Variants in WDR64 observed in about 807,000 individuals in gnomAD.
WDR64 encodes the protein WD repeat domain 64, also known as WD repeat-containing protein 64.
A neutral mutation model predicts 139.3 loss-of-function variants in WDR64; 112 were observed. The ratio of observed to expected loss-of-function variants is 0.80; its 90% CI spans 0.69 to 0.94. WDR64 has a LOEUF of 0.94. WDR64 is among the 40% of genes least tolerant of loss of function. The probability of loss-of-function intolerance (pLI) is 0.00; values close to 1 mark genes in which losing one functional copy is unlikely to be tolerated. For missense variants in WDR64, 1,206 were observed against 1,293.1 expected (o/e 0.93, Z 1.03); for synonymous variants, 444 against 437.7 (o/e 1.01, Z -0.18).
At chr1:241,695,675 A>G (rs1275251520) in intron 8 of WDR64, among the ~76,000 whole-genome samples, 1 of 152,220 alleles carries the variant, frequency 6.6e-6, no homozygotes, top group Non-Finnish European at 1.5e-5. Context: ...TTCATCAACG[A>G]GAAATGTTAT....
rs1339728639 is a variant in WDR64, at chr1:241,775,098, T to G, written c.2431-7T>G. 1.3e-6 allele frequency: 2 copies of G among 1,547,696 alleles called. No individual in the cohort carries two copies. The highest frequency in any genetic ancestry group is 1.7e-6 in the Non-Finnish European group (2 of 1,145,154). On this transcript the variant is annotated splice_polypyrimidine_tract_variant and splice_region_variant and intron_variant, in intron 20 of 27. Coordinates refer to ENST00000437684, the MANE Select transcript of WDR64 (RefSeq NM_001367482.1). The stretch of plus-strand genomic sequence containing the variant: ...AAAAAGTTTTATTTGCATTATACTT[T>G]ATTTAGGGAAGACTACTGAAAGATA...
chr1:241,711,797 T>C lies in WDR64; in HGVS notation c.975-5T>C, dbSNP rs1668178608. 1 of 1,614,016 alleles carries C rather than the reference T, an allele frequency of 6.2e-7. No homozygotes were observed. The highest frequency in any genetic ancestry group is 1.3e-5 in the African/African-American group (1 of 74,932). On this transcript the variant is annotated splice_polypyrimidine_tract_variant and splice_region_variant and intron_variant, in intron 8 of 27. Coordinates refer to ENST00000437684, the MANE Select transcript of WDR64 (RefSeq NM_001367482.1). The stretch of plus-strand genomic sequence containing the variant: ...TATGTTTTCCATCTAATTTGTGTTT[T>C]CCAGGCCTGTCAGAGAGTTTTCCAT...
chr1:241,729,909 C>T (rs1157048278), intron 10 of WDR64, among the ~76,000 whole-genome samples: 1 of 152,178 alleles, frequency 6.6e-6, no homozygotes, highest in Non-Finnish European at 1.5e-5. Flanking sequence ...GTTTCACTGC[C>T]TTCATATTTT....
chr1:241,710,388 C>T (rs1208501676), intron 8 of WDR64, among the ~76,000 whole-genome samples: 2 of 152,188 alleles, frequency 1.3e-5, no homozygotes, highest in Non-Finnish European at 2.9e-5. Context: ...CACACGTTGT[C>T]ACTCAAGCTT....
intron 27 of WDR64, among the ~76,000 whole-genome samples, chr1:241,798,122 A>G (rs1205250849): frequency 6.6e-6 from 1 of 152,214 alleles, no homozygotes; most frequent in Non-Finnish European, 1.5e-5. Context: ...ATAAAGAATG[A>G]TAAATTATTT....
intron 1 of WDR64, among the ~76,000 whole-genome samples, chr1:241,658,033 C>T (rs1388094302): frequency 6.6e-6 from 1 of 152,162 alleles, no homozygotes; most frequent in African/African-American, 2.4e-5. Context: ...TCACTTGATA[C>T]TTTTCTGATT....
rs757704748 is a variant in WDR64 at position 241,703,725 on chromosome 1, G to A, written c.975-8077G>A. ...TCACACTGCTATAAAGATACTATCT[G>A]AGACTCAATAATTTGTAAAGGAAAG... On this transcript the variant is annotated intron_variant, in intron 8 of 27. Transcript: ENST00000437684. This position sits in a 1 kb window ranked among gnomAD's most constrained non-coding sequence, Gnocchi z 5.9. 2.0e-5 allele frequency among the ~76,000 whole-genome samples: 3 copies of A among 152,130 alleles called. No individual in the cohort carries two copies. Among genetic ancestry groups the A allele is most frequent in the Non-Finnish European group, 4.4e-5 (3 of 68,024 alleles).
chr1:241,690,478 A>C (rs1015795418), intron 8 of WDR64, among the ~76,000 whole-genome samples: 23 of 152,092 alleles, frequency 1.5e-4, no homozygotes, highest in Non-Finnish European at 1.5e-4. Flanking sequence ...CAAAAAAAAA[A>C]CAAAAACTTG....
chr1:241,675,239 T>TCCTC (rs1666499125), intron 4 of WDR64, among the ~76,000 whole-genome samples: 1 of 65,910 alleles, frequency 1.5e-5, no homozygotes, highest in Non-Finnish European at 2.8e-5. Flanking sequence ...CCTCCCTCCT[T>TCCTC]CCTCCCTCCT....
chr1:241,670,449 A>C (rs890836701), intron 2 of WDR64, among the ~76,000 whole-genome samples: 1 of 152,232 alleles, frequency 6.6e-6, no homozygotes, highest in Non-Finnish European at 1.5e-5. Context: ...GGGGCCCTGC[A>C]TGATGAGGAC....
At chr1:241,780,720 T>A (rs1658814323) in intron 22 of WDR64, among the ~76,000 whole-genome samples, 1 of 152,084 alleles carries the variant, frequency 6.6e-6, no homozygotes, top group African/African-American at 2.4e-5. Flanking sequence ...ATTAGTGGAG[T>A]TTTCTTTTTG....
chr1:241,661,563 G>A (rs929956772), intron 2 of WDR64, among the ~76,000 whole-genome samples: 1 of 152,092 alleles, frequency 6.6e-6, no homozygotes, highest in Admixed American at 6.6e-5. Flanking sequence ...ACTTTATGAA[G>A]CTAAAATAAC....
At chr1:241,767,442 G>A (rs1269057461) in intron 16 of WDR64, among the ~76,000 whole-genome samples, 3 of 152,040 alleles carry the variant, frequency 2.0e-5, no homozygotes, top group Admixed American at 6.6e-5. Flanking sequence ...TAATTGGAAC[G>A]TGTGCAAGGG....
Position 241,683,501 on chromosome 1 carries a change from C to T in WDR64, c.639C>T (p.Val213=). 6.4e-7 allele frequency: 1 copy of T among 1,551,462 alleles called. No homozygotes were observed. Among genetic ancestry groups the T allele is most frequent in the Non-Finnish European group, 8.7e-7 (1 of 1,146,876 alleles). ...AQGSSQENYF[V]IKPMDHCLLC... is the part of the protein sequence containing the mutation. ...TCTGTTTCTAGGAAAATTATTTTGT[C>T]ATAAAACCAATGGATCACTGCCTCC... Residue 213 remains valine, a synonymous_variant, in exon 7 of 28, where the codon GTC becomes GTT. Coordinates refer to ENST00000437684, the MANE Select transcript of WDR64 (RefSeq NM_001367482.1).
chr1:241,739,609 T>G (rs1208762344), intron 11 of WDR64, among the ~76,000 whole-genome samples: 1 of 152,194 alleles, frequency 6.6e-6, no homozygotes, highest in South Asian at 2.1e-4. Context: ...GTGCCCCAAT[T>G]TGCATATTTG....
intron 1 of WDR64, among the ~76,000 whole-genome samples, chr1:241,658,199 T>A (rs905719877): frequency 3.3e-5 from 5 of 152,092 alleles, no homozygotes; most frequent in Admixed American, 2.0e-4. Context: ...TGAGAAAGCC[T>A]CACATCTAAT....
chr1:241,779,324 T>G (rs1345727237), intron 21 of WDR64, among the ~76,000 whole-genome samples: 1 of 152,190 alleles, frequency 6.6e-6, no homozygotes, highest in East Asian at 1.9e-4. Flanking sequence ...TTAAATAGTT[T>G]AAAAGTTGAG....
intron 7 of WDR64, among the ~76,000 whole-genome samples, chr1:241,685,824 T>A (rs1666982423): frequency 1.3e-5 from 2 of 152,204 alleles, no homozygotes; most frequent in Non-Finnish European, 2.9e-5. Context: ...CCCCAATCTG[T>A]GATGTGCTGC....
At chr1:241,663,934 GTTTTT>G (rs1322789711) in intron 2 of WDR64, among the ~76,000 whole-genome samples, 1 of 147,728 alleles carries the variant, frequency 6.8e-6, no homozygotes, top group Non-Finnish European at 1.5e-5. Context: ...GTTGCTTTTT[GTTTTT>G]GTTTTTTTTT....
Sources: allele counts gnomAD v4.1 joint callset (sites outside exome capture counted in the v4.1 genomes callset), GRCh38; gene constraint gnomAD v4.1.1; non-coding constraint Gnocchi (gnomAD v3.1); transcripts MANE v1.5; gene names NCBI Gene and HGNC (gene_info 2026-07-23, HGNC 2026-07-21).